Variants in ARHGAP6 observed in about 807,000 individuals in gnomAD.
ARHGAP6 encodes the protein Rho GTPase activating protein 6.
ARHGAP6 carries 16 observed loss-of-function variants against 55.7 expected under a neutral mutation model. That is an observed-to-expected ratio of 0.29 (90% CI 0.19 to 0.44). ARHGAP6 has a LOEUF of 0.44. Among genes scored for constraint, ARHGAP6 ranks in the 20% least tolerant of loss-of-function variants. ARHGAP6 has a pLI of 1.00. For synonymous variants in ARHGAP6, 382 were observed against 360.9 expected (o/e 1.06, Z -0.66); for missense variants, 698 against 808.9 (o/e 0.86, Z 1.66).
chrX:11,601,606 C>T (rs2051974428), intron 1 of ARHGAP6, among the ~76,000 whole-genome samples: 1 of 111,891 alleles, frequency 8.9e-6, no homozygotes, highest in African/African-American at 3.3e-5. Context: ...GGTAAGGAAC[C>T]CAGAAGCAGT....
intron 1 of ARHGAP6, among the ~76,000 whole-genome samples, chrX:11,415,570 G>A (rs965674114): frequency 3.6e-5 from 4 of 111,937 alleles, no homozygotes; most frequent in Non-Finnish European, 5.6e-5. Context: ...TTCATCCCTC[G>A]TTGCTTCACA....
intron 1 of ARHGAP6, among the ~76,000 whole-genome samples, chrX:11,332,205 C>T (rs2048570581): frequency 8.9e-6 from 1 of 111,916 alleles, no homozygotes; most frequent in Admixed American, 9.5e-5. Flanking sequence ...TTAGATCCAT[C>T]CCCTAGAAAT....
chrX:11,174,647 CTT>C (rs1413857500), intron 8 of ARHGAP6, among the ~76,000 whole-genome samples: 3 of 73,827 alleles, frequency 4.1e-5, no homozygotes, highest in Admixed American at 1.6e-4. Context: ...TTCTTTCTTT[CTT>C]TCTTTCTTTC....
intron 1 of ARHGAP6, among the ~76,000 whole-genome samples, chrX:11,372,450 C>T (rs1186059843): frequency 9.0e-6 from 1 of 111,075 alleles, no homozygotes; most frequent in Non-Finnish European, 1.9e-5. Flanking sequence ...TCATATTCCT[C>T]ATGCTATGTG....
chrX:11,367,988 A>T (rs1262217708), intron 1 of ARHGAP6, among the ~76,000 whole-genome samples: 2 of 112,588 alleles, frequency 1.8e-5, no homozygotes, highest in Non-Finnish European at 3.8e-5. Context: ...AGCAGGAAGG[A>T]CTACACTGTT....
intron 1 of ARHGAP6, among the ~76,000 whole-genome samples, chrX:11,600,226 G>T (rs191401862): frequency 9.0e-6 from 1 of 111,664 alleles, no homozygotes; most frequent in East Asian, 2.8e-4. Flanking sequence ...TATGCAGAAG[G>T]ACAGTTGTAA....
intron 1 of ARHGAP6, among the ~76,000 whole-genome samples, chrX:11,296,083 G>A (rs1034226095): frequency 3.6e-5 from 4 of 111,766 alleles, no homozygotes; most frequent in Admixed American, 9.5e-5. Flanking sequence ...AAAAAAGATC[G>A]GCCTAAACGT....
At chrX:11,252,341 T>C (rs1212677538) in intron 2 of ARHGAP6, among the ~76,000 whole-genome samples, 3 of 112,554 alleles carry the variant, frequency 2.7e-5, no homozygotes, top group African/African-American at 6.5e-5. Flanking sequence ...CATTTTTTTT[T>C]CCTTAGGAAT....
chrX:11,396,161 A>T (rs777360623), intron 1 of ARHGAP6, among the ~76,000 whole-genome samples: 27 of 110,807 alleles, frequency 2.4e-4, no homozygotes, highest in African/African-American at 8.8e-4. Context: ...TAAAATGTAA[A>T]CATTTCAAAT....
At chrX:11,368,454 T>C (rs2049108494) in intron 1 of ARHGAP6, among the ~76,000 whole-genome samples, 1 of 111,931 alleles carries the variant, frequency 8.9e-6, no homozygotes, top group South Asian at 3.7e-4. Context: ...TGTCAGAAGA[T>C]CCCCGTGACA....
At chrX:11,382,248 T>A (rs2049270942) in intron 1 of ARHGAP6, among the ~76,000 whole-genome samples, 1 of 111,707 alleles carries the variant, frequency 9.0e-6, no homozygotes, top group Admixed American at 9.5e-5. Flanking sequence ...ATTTACTTAT[T>A]AAAATTTTAA....
intron 1 of ARHGAP6, among the ~76,000 whole-genome samples, chrX:11,462,813 T>TA (rs774635485): frequency 3.7e-3 from 415 of 112,572 alleles, no homozygotes; most frequent in African/African-American, 0.013. Context: ...CCATCAAAGC[T>TA]AAAAAGTGTG....
At position 11,196,819 on chromosome X, in the gene ARHGAP6, C is replaced by T. The variant is rs982908915; in HGVS notation, c.820+106G>A. 4 of 513,350 alleles carry T rather than the reference C, an allele frequency of 7.8e-6. No homozygotes were observed. The African/African-American group carries it at 9.5e-5, about 12-fold the overall frequency. 42.3% of individuals were successfully genotyped at this position (513,350 alleles called of 1,213,427 possible). A position where few individuals can be genotyped will look rare whatever the true frequency, so the allele number is the denominator to read the frequency against. The stretch of plus-strand genomic sequence containing the variant: ...CATTCCACTGTAGAAATCCAGTTTT[C>T]ATAACAGAGTTGAACCACGTATATC... On this transcript the variant is annotated intron_variant, in intron 3 of 12. Coordinates refer to ENST00000337414, the MANE Select transcript of ARHGAP6 (RefSeq NM_013427.3).
rs771506315 is a variant in ARHGAP6 at position 11,427,416 on chromosome X, C to T, written c.589-172709G>A. On this transcript the variant is annotated intron_variant, in intron 1 of 12. Coordinates refer to ENST00000337414, the MANE Select transcript of ARHGAP6 (RefSeq NM_013427.3). ...GTGAGCAGGTGGCACTTCGGGGTGACGTACCCGGCCACCCGCCACCCCCTC... is the reference window on the plus strand; with the variant it reads ...GTGAGCAGGTGGCACTTCGGGGTGATGTACCCGGCCACCCGCCACCCCCTC... 1.4e-4 allele frequency: 113 copies of T among 808,788 alleles called. No homozygotes were observed. The African/African-American group carries it at 2.4e-3, about 17-fold the overall frequency. The allele number at this position is 808,788 out of a possible 1,213,427, so 66.7% of individuals were successfully genotyped here. A position where few individuals can be genotyped will look rare whatever the true frequency, so the allele number is the denominator to read the frequency against.
intron 1 of ARHGAP6, among the ~76,000 whole-genome samples, chrX:11,654,074 T>C (rs1248945118): frequency 8.9e-6 from 1 of 112,028 alleles, no homozygotes; most frequent in East Asian, 2.8e-4. Context: ...TCAGAAAGTC[T>C]GCTGGCCCAG....
intron 1 of ARHGAP6, among the ~76,000 whole-genome samples, chrX:11,356,271 G>C (rs1389392559): frequency 9.1e-6 from 1 of 109,697 alleles, no homozygotes; most frequent in Non-Finnish European, 1.9e-5. Flanking sequence ...TGGGGGTGGG[G>C]GACAAGGGGA....
chrX:11,652,831 C>T (rs907690976), intron 1 of ARHGAP6, among the ~76,000 whole-genome samples: 7 of 111,711 alleles, frequency 6.3e-5, no homozygotes, highest in South Asian at 3.7e-4. Context: ...GATTTAAGCA[C>T]GACATGGATG....
intron 1 of ARHGAP6, among the ~76,000 whole-genome samples, chrX:11,461,124 A>G (rs1033340409): frequency 1.8e-5 from 2 of 111,968 alleles, no homozygotes; most frequent in Non-Finnish European, 3.8e-5. Context: ...AAAGTAATAC[A>G]TGCTACTTCC....
At chrX:11,272,885 G>A (rs1011651732) in intron 1 of ARHGAP6, among the ~76,000 whole-genome samples, 35 of 111,744 alleles carry the variant, frequency 3.1e-4, no homozygotes, top group African/African-American at 1.0e-3. Context: ...ATAGCACAGT[G>A]GTTACAGGGA....
Sources: allele counts gnomAD v4.1 joint callset (sites outside exome capture counted in the v4.1 genomes callset), GRCh38; gene constraint gnomAD v4.1.1; transcripts MANE v1.5; gene names NCBI Gene and HGNC (gene_info 2026-07-23, HGNC 2026-07-21).